Variants in ATF7IP observed in about 807,000 individuals in gnomAD.
ATF7IP encodes the protein activating transcription factor 7-interacting protein 1.
In ATF7IP, 23 loss-of-function variants were observed where a neutral mutation model predicts 106.4. That is an observed-to-expected ratio of 0.22 (90% CI 0.16 to 0.31). ATF7IP has a LOEUF of 0.31. Among genes scored for constraint, ATF7IP ranks in the 10% least tolerant of loss-of-function variants. The pLI, the probability that ATF7IP is intolerant of heterozygous loss-of-function variation, is 1.00. For synonymous variants in ATF7IP, 542 were observed against 539.0 expected (o/e 1.01, Z -0.08); for missense variants, 1,334 against 1,524.3 (o/e 0.88, Z 2.08).
At chr12:14,452,532 G>A (rs999388665) in intron 6 of ATF7IP, among the ~76,000 whole-genome samples, 11 of 151,842 alleles carry the variant, frequency 7.2e-5, no homozygotes, top group Non-Finnish European at 1.0e-4. Flanking sequence ...TGTGGTTACC[G>A]TGGGGATTAC....
intron 13 of ATF7IP, among the ~76,000 whole-genome samples, chr12:14,485,753 G>T (rs1397771953): frequency 6.6e-6 from 1 of 152,234 alleles, no homozygotes; most frequent in Non-Finnish European, 1.5e-5. Flanking sequence ...CCAGGTACTA[G>T]GAGATGTGTT....
intron 5 of ATF7IP, among the ~76,000 whole-genome samples, chr12:14,445,552 G>A (rs1463194303): frequency 6.6e-6 from 1 of 152,066 alleles, no homozygotes; most frequent in Admixed American, 6.6e-5. Flanking sequence ...GTAAATCCAT[G>A]TTAAGGATAT....
At chr12:14,446,923 T>G in intron 5 of ATF7IP, 65 bp from the exon 6 acceptor site, 2 of 1,198,020 alleles carry the variant, frequency 1.7e-6, no homozygotes, top group Non-Finnish European at 2.3e-6. Flanking sequence ...TATTCATGGT[T>G]TTTTTTTTTA....
intron 1 of ATF7IP, among the ~76,000 whole-genome samples, chr12:14,366,733 T>TA (rs1938311274): frequency 6.6e-6 from 1 of 152,216 alleles, no homozygotes; most frequent in African/African-American, 2.4e-5. Context: ...TTTGCTATGA[T>TA]ATGTAAGCTA....
At chr12:14,488,953 AC>A (rs1175763436) in intron 13 of ATF7IP, among the ~76,000 whole-genome samples, 1 of 152,234 alleles carries the variant, frequency 6.6e-6, no homozygotes, top group Non-Finnish European at 1.5e-5. Flanking sequence ...AATACTCATG[AC>A]AATTACAGTC....
At chr12:14,413,995 T>C (rs1273007236) in intron 1 of ATF7IP, among the ~76,000 whole-genome samples, 2 of 152,202 alleles carry the variant, frequency 1.3e-5, no homozygotes, top group Non-Finnish European at 2.9e-5. Flanking sequence ...TTAGCAAGCA[T>C]CTGCCCTAAC....
rs564398802 is a variant in ATF7IP, at chr12:14,488,669, C to T, written c.3280+7484C>T. Among the ~76,000 whole-genome samples the T allele has an allele frequency of 3.3e-5, 5 of 152,282 alleles. No homozygotes were observed. In the East Asian group the frequency reaches 5.8e-4, roughly 18 times the overall value. Reference sequence around the variant, plus strand: ...CATCACAAGTCTACCGCTTGTCAACCTGAACCCATATACATCTCCTAATAT... The same window carrying T: ...CATCACAAGTCTACCGCTTGTCAACTTGAACCCATATACATCTCCTAATAT... On this transcript the variant is annotated intron_variant, in intron 13 of 14. Coordinates refer to ENST00000261168, the MANE Select transcript of ATF7IP (RefSeq NM_018179.5).
At chr12:14,405,805 T>G (rs2046310887) in intron 1 of ATF7IP, among the ~76,000 whole-genome samples, 1 of 152,130 alleles carries the variant, frequency 6.6e-6, no homozygotes, top group Admixed American at 6.5e-5. Context: ...AGGGTGAAGT[T>G]CCTGGAACTC....
chr12:14,376,073 G>A (rs1465554046), intron 1 of ATF7IP, among the ~76,000 whole-genome samples: 1 of 152,092 alleles, frequency 6.6e-6, no homozygotes, highest in Non-Finnish European at 1.5e-5. Context: ...AGGAAAAAAC[G>A]CCACACGATT....
chr12:14,433,022 A>C (rs1200278035), intron 2 of ATF7IP, among the ~76,000 whole-genome samples: 3 of 152,164 alleles, frequency 2.0e-5, no homozygotes, highest in African/African-American at 7.2e-5. Flanking sequence ...CATTTTTAGC[A>C]ATATCTTTTG....
chr12:14,425,999 A>G (rs997125253), intron 2 of ATF7IP, among the ~76,000 whole-genome samples: 2 of 152,158 alleles, frequency 1.3e-5, no homozygotes, highest in African/African-American at 4.8e-5. Flanking sequence ...TAAAGACTTT[A>G]CCCATTTGCT....
At chr12:14,388,368 A>G (rs1258934323) in intron 1 of ATF7IP, among the ~76,000 whole-genome samples, 2 of 144,028 alleles carry the variant, frequency 1.4e-5, no homozygotes, top group Non-Finnish European at 3.0e-5. Context: ...TTTTTTCAAG[A>G]CGGAGTCTCA....
intron 1 of ATF7IP, among the ~76,000 whole-genome samples, chr12:14,379,884 G>C (rs1160144759): frequency 6.6e-6 from 1 of 152,104 alleles, no homozygotes; most frequent in Non-Finnish European, 1.5e-5. Context: ...CCCTTGTGTG[G>C]ATCTGTTTAT....
At chr12:14,476,323 G>A (rs1212319989) in intron 11 of ATF7IP, 3 of 162,488 alleles carry the variant, frequency 1.8e-5, no homozygotes, top group South Asian at 1.5e-4. Context: ...GAGGCAGGAG[G>A]ATAGCTTGAG....
intron 11 of ATF7IP, among the ~76,000 whole-genome samples, 178 bp from the exon 12 acceptor site, chr12:14,478,139 C>T (rs978516321): frequency 1.2e-4 from 18 of 152,154 alleles, no homozygotes; most frequent in African/African-American, 4.3e-4. Flanking sequence ...TACATATGCT[C>T]TTAACTCAGT....
intron 13 of ATF7IP, among the ~76,000 whole-genome samples, chr12:14,482,866 A>G (rs188535394): frequency 5.3e-4 from 80 of 152,330 alleles, no homozygotes; most frequent in Admixed American, 2.9e-3. Context: ...ACATAATACA[A>G]CTATCCTTTG....
At chr12:14,454,803 C>A (rs1421396728) in intron 6 of ATF7IP, among the ~76,000 whole-genome samples, 2 of 152,100 alleles carry the variant, frequency 1.3e-5, no homozygotes, top group Non-Finnish European at 2.9e-5. Flanking sequence ...TGTTCTAAAC[C>A]ATTTATTTAT....
chr12:14,381,013 C>T (rs951480690), intron 1 of ATF7IP, among the ~76,000 whole-genome samples: 3 of 152,182 alleles, frequency 2.0e-5, no homozygotes, highest in African/African-American at 7.2e-5. Flanking sequence ...TTGGTAAAGG[C>T]TTCTAAGGTA....
At chr12:14,464,329 A>G (rs893821785) in intron 9 of ATF7IP, among the ~76,000 whole-genome samples, 2 of 152,220 alleles carry the variant, frequency 1.3e-5, no homozygotes, top group African/African-American at 4.8e-5. Context: ...TGTCTCAGAA[A>G]GAAAAACAAA....
Sources: allele counts gnomAD v4.1 joint callset (sites outside exome capture counted in the v4.1 genomes callset), GRCh38; gene constraint gnomAD v4.1.1; transcripts MANE v1.5; gene names NCBI Gene and HGNC (gene_info 2026-07-23, HGNC 2026-07-21).